Variants in TANC2 observed in about 807,000 individuals in gnomAD.
TANC2 encodes the protein protein TANC2.
In TANC2, 26 loss-of-function variants were observed where a neutral mutation model predicts 210.5. That is an observed-to-expected ratio of 0.12 (90% CI 0.09 to 0.17). The LOEUF (loss-of-function observed/expected upper bound fraction) is 0.17, where lower values mean the gene tolerates loss of function less well. Ranked by LOEUF, TANC2 falls within the 10% of genes least tolerant of loss-of-function variation. The probability of loss-of-function intolerance (pLI) is 1.00; values close to 1 mark genes in which losing one functional copy is unlikely to be tolerated. For missense variants in TANC2, 2,129 were observed against 2,608.9 expected (o/e 0.82, Z 4.01); for synonymous variants, 931 against 967.1 (o/e 0.96, Z 0.69).
At chr17:63,340,412 A>G in intron 12 of TANC2, 80 bp downstream of exon 12, 1 of 1,140,380 alleles carries the variant, frequency 8.8e-7, no homozygotes, top group Non-Finnish European at 1.3e-6. Context: ...AAAATGATTG[A>G]TTTTATCACA....
intron 9 of TANC2, among the ~76,000 whole-genome samples, chr17:63,285,574 T>C (rs920988681): frequency 1.3e-5 from 2 of 152,100 alleles, no homozygotes; most frequent in Non-Finnish European, 2.9e-5. Context: ...TGCTTTATTA[T>C]AATGAAAGGA....
chr17:63,406,163 C>G (rs756199846), exon 21 of TANC2: 1 of 1,613,832 alleles, frequency 6.2e-7, no homozygotes, highest in Non-Finnish European at 8.5e-7. Context: ...GATTGTTGAT[C>G]TTTTACTCAC....
At chr17:63,388,597 C>T in intron 15 of TANC2, 38 bp from the exon 16 acceptor site, 2 of 1,564,778 alleles carry the variant, frequency 1.3e-6, no homozygotes, top group South Asian at 1.2e-5. Context: ...CTTTTTTTTG[C>T]TGGGCTACTA....
intron 8 of TANC2, among the ~76,000 whole-genome samples, chr17:63,248,004 A>C (rs1241103750): frequency 6.6e-6 from 1 of 152,054 alleles, no homozygotes; most frequent in Non-Finnish European, 1.5e-5. Flanking sequence ...GTAGATTGAA[A>C]ATTTTTCCAG....
At chr17:63,358,379 A>AGAG (rs2046847097) in intron 14 of TANC2, among the ~76,000 whole-genome samples, 12 of 139,540 alleles carry the variant, frequency 8.6e-5, no homozygotes, top group African/African-American at 3.3e-4. Context: ...GAGAGAGAGT[A>AGAG]TGTGTGTGTG....
intron 8 of TANC2, among the ~76,000 whole-genome samples, chr17:63,252,494 A>C (rs2043079323): frequency 6.6e-6 from 1 of 151,656 alleles, no homozygotes; most frequent in South Asian, 2.1e-4. Context: ...TCATTCTGTC[A>C]AACTATATTT....
intron 25 of TANC2, among the ~76,000 whole-genome samples, chr17:63,414,687 C>T (rs2048806103): frequency 6.6e-6 from 1 of 152,104 alleles, no homozygotes; most frequent in South Asian, 2.1e-4. Context: ...GTGAATGGTG[C>T]TAAGGGAAAA....
chr17:63,248,246 A>C (rs1201007339), intron 8 of TANC2, among the ~76,000 whole-genome samples: 3 of 152,056 alleles, frequency 2.0e-5, no homozygotes, highest in Non-Finnish European at 4.4e-5. Flanking sequence ...TAAACTGGGG[A>C]GACTCCGATG....
chr17:62,988,083 T>C (rs2032664684), intron 1 of TANC2, among the ~76,000 whole-genome samples: 2 of 152,154 alleles, frequency 1.3e-5, no homozygotes, highest in Admixed American at 6.6e-5. Context: ...GGGACAGATA[T>C]CTGGGAAATC....
chr17:63,066,337 G>T (rs1457773477), intron 2 of TANC2, among the ~76,000 whole-genome samples: 2 of 152,084 alleles, frequency 1.3e-5, no homozygotes, highest in South Asian at 4.1e-4. Context: ...GGAGCCCTGG[G>T]TATGTGGGGC....
intron 4 of TANC2, among the ~76,000 whole-genome samples, chr17:63,129,712 G>A (rs183538778): frequency 1.1e-4 from 16 of 152,182 alleles, no homozygotes; most frequent in Admixed American, 4.6e-4. Flanking sequence ...GTAATGATGA[G>A]TCCAATTAGA....
rs1373416717 is a variant in TANC2, at chr17:63,412,668, C to CT, written c.3899-9dup. ...CTCTCCTACAACTTTTTGTTTTCTC[C>CT]TTTCTTTGAAGGTTGTCAGACGTTA... On this transcript the variant is annotated splice_polypyrimidine_tract_variant and intron_variant, in intron 23 of 27. Transcript: ENST00000689528. The surrounding 1 kb of genome is among the most constrained non-coding windows in gnomAD (Gnocchi z 4.2). 6.5e-7 allele frequency: 1 copy of CT among 1,532,692 alleles called. No homozygotes were observed. The highest frequency in any genetic ancestry group is 8.7e-7 in the Non-Finnish European group (1 of 1,145,756). The allele number at this position is 1,532,692 out of a possible 1,614,324, so 94.9% of individuals were successfully genotyped here.
chr17:63,146,978 G>GCAACAA (rs564752153), intron 4 of TANC2, among the ~76,000 whole-genome samples: 16 of 151,582 alleles, frequency 1.1e-4, no homozygotes, highest in African/African-American at 2.2e-4. Flanking sequence ...TTAAAAAACA[G>GCAACAA]CAACAACAAC....
At chr17:63,148,165 C>G (rs2145374064) in intron 4 of TANC2, 1 of 152,264 alleles carries the variant, frequency 6.6e-6, no homozygotes. Context: ...TTTCAGAGCC[C>G]TTACCCTTAA....
intron 9 of TANC2, 27 bp from the exon 10 acceptor site, chr17:63,314,361 A>C: frequency 3.1e-6 from 5 of 1,607,080 alleles, no homozygotes; most frequent in Non-Finnish European, 4.3e-6. Flanking sequence ...GTTTGACCTA[A>C]GTTCTGCATT....
At chr17:63,198,874 G>A (rs563017772) in intron 6 of TANC2, among the ~76,000 whole-genome samples, 7 of 152,248 alleles carry the variant, frequency 4.6e-5, no homozygotes, top group Non-Finnish European at 1.0e-4. Context: ...TCTCTGGAGA[G>A]ATAACATATA....
At chr17:63,117,831 A>G (rs1177203899) in intron 4 of TANC2, among the ~76,000 whole-genome samples, 3 of 152,228 alleles carry the variant, frequency 2.0e-5, no homozygotes, top group African/African-American at 4.8e-5. Flanking sequence ...TTTGTTCTTT[A>G]TAGAAAAATA....
chr17:63,224,541 G>A (rs2042280344), intron 7 of TANC2, among the ~76,000 whole-genome samples: 1 of 152,186 alleles, frequency 6.6e-6, no homozygotes, highest in Non-Finnish European at 1.5e-5. Context: ...ACCCGTCCCA[G>A]CCTTGCTGAT....
In TANC2 at chr17:63,314,343, T is replaced by C. The variant is rs75148027; in HGVS notation, c.1160-45T>C. 7.7e-5 allele frequency: 123 copies of C among 1,599,402 alleles called. No individual in the cohort carries two copies. The East Asian group carries it at 2.4e-3, about 31-fold the overall frequency. On this transcript the variant is annotated intron_variant, in intron 9 of 27. Transcript: ENST00000689528. ...TTTTTTCTCTCTTTGTTTCTCTCAATGTTGACAGTTTGACCTAAGTTCTGC... is the reference window on the plus strand; with the variant it reads ...TTTTTTCTCTCTTTGTTTCTCTCAACGTTGACAGTTTGACCTAAGTTCTGC...
Sources: gnomAD v4.1 joint callset for allele counts (sites outside exome capture counted in the v4.1 genomes callset) on GRCh38, gnomAD v4.1.1 for gene constraint, Gnocchi (gnomAD v3.1) non-coding constraint, MANE v1.5 for transcripts, NCBI Gene and HGNC (gene_info 2026-07-23, HGNC 2026-07-21) for gene names.